The following GRIA4 variants were observed in gnomAD, a reference collection of about 807,000 sequenced individuals.
The protein encoded by GRIA4 is glutamate receptor 4.
In GRIA4, 34 loss-of-function variants were observed where a neutral mutation model predicts 104.0. That is an observed-to-expected ratio of 0.33 (90% CI 0.25 to 0.44). GRIA4 has a LOEUF of 0.44. Ranked by LOEUF, GRIA4 falls within the 20% of genes least tolerant of loss-of-function variation. GRIA4 has a pLI of 1.00. For synonymous variants in GRIA4, 386 were observed against 381.9 expected (o/e 1.01, Z -0.13); for missense variants, 750 against 1,096.5 (o/e 0.68, Z 4.46).
intron 14 of GRIA4, among the ~76,000 whole-genome samples, chr11:105,962,441 C>A (rs1453122487): frequency 2.0e-5 from 3 of 152,108 alleles, no homozygotes; most frequent in African/African-American, 7.2e-5. Flanking sequence ...CAACAAAATT[C>A]TCATTAACAA....
intron 3 of GRIA4, among the ~76,000 whole-genome samples, chr11:105,680,633 C>T (rs1847720909): frequency 6.6e-6 from 1 of 152,058 alleles, no homozygotes; most frequent in African/African-American, 2.4e-5. Flanking sequence ...TAATGGGGTC[C>T]TGGAACTTCT....
chr11:105,675,780 T>C (rs896689311), intron 3 of GRIA4, among the ~76,000 whole-genome samples: 2 of 151,778 alleles, frequency 1.3e-5, no homozygotes, highest in Admixed American at 1.3e-4. Flanking sequence ...TTTTTAAAAT[T>C]TGGGGATCAT....
At chr11:105,836,663 G>C (rs1164809357) in intron 4 of GRIA4, among the ~76,000 whole-genome samples, 4 of 152,136 alleles carry the variant, frequency 2.6e-5, no homozygotes, top group Admixed American at 1.3e-4. Flanking sequence ...GAGCTTGTAA[G>C]TCCCACAACC....
intron 5 of GRIA4, among the ~76,000 whole-genome samples, chr11:105,866,346 G>A (rs532671945): frequency 6.6e-6 from 1 of 151,740 alleles, no homozygotes; most frequent in African/African-American, 2.4e-5. Context: ...GAAAAGAAGC[G>A]TGTATTAATA....
chr11:105,795,172 A>G (rs1942429008), intron 4 of GRIA4, among the ~76,000 whole-genome samples: 1 of 152,186 alleles, frequency 6.6e-6, no homozygotes, highest in African/African-American at 2.4e-5. Flanking sequence ...TACATTTAAA[A>G]GCGTAGTTCT....
intron 14 of GRIA4, among the ~76,000 whole-genome samples, chr11:105,959,119 T>C (rs943871806): frequency 1.3e-5 from 2 of 152,186 alleles, no homozygotes; most frequent in South Asian, 2.1e-4. Flanking sequence ...GATATCTTAA[T>C]AGTGTTCTCT....
intron 14 of GRIA4, among the ~76,000 whole-genome samples, chr11:105,940,583 A>G (rs1049153316): frequency 1.1e-4 from 16 of 152,174 alleles, no homozygotes; most frequent in African/African-American, 3.6e-4. Context: ...TGGATATATA[A>G]TCTACCCTTC....
At chr11:105,909,810 TA>T (rs1306872881) in intron 9 of GRIA4, among the ~76,000 whole-genome samples, 9 of 151,926 alleles carry the variant, frequency 5.9e-5, no homozygotes, top group Admixed American at 1.3e-4. Context: ...GACTTCTAAA[TA>T]AAAAAAATTT....
intron 14 of GRIA4, among the ~76,000 whole-genome samples, chr11:105,953,573 C>T (rs1381446487): frequency 1.3e-5 from 2 of 152,012 alleles, no homozygotes; most frequent in East Asian, 1.9e-4. Context: ...CATGAAATTA[C>T]TATTTTCTTA....
At chr11:105,934,170 T>C (rs538601730) in intron 14 of GRIA4, among the ~76,000 whole-genome samples, 1 of 152,258 alleles carries the variant, frequency 6.6e-6, no homozygotes, top group Non-Finnish European at 1.5e-5. Context: ...TTGACATATA[T>C]CTTTGAAGGC....
At chr11:105,944,262 A>G (rs539216) in intron 14 of GRIA4, among the ~76,000 whole-genome samples, 152,037 of 152,242 alleles carry the variant, frequency 1, 75,916 homozygotes, top group Middle Eastern at 1. Context: ...ACAAACTGAG[A>G]TTCCAAAGTA....
Position 105,941,688 on chromosome 11 carries a change from T to C in GRIA4, c.2294+7719T>C, listed in dbSNP as rs148489661. Reference sequence around the variant, plus strand: ...GGAGTTAGCCAGAATAAGAATTCAATTGGAGTCAATCAAACAAATGTGACA... The same window carrying C: ...GGAGTTAGCCAGAATAAGAATTCAACTGGAGTCAATCAAACAAATGTGACA... On this transcript the variant is annotated intron_variant, in intron 14 of 16. Transcript: ENST00000282499. Among the ~76,000 whole-genome samples the C allele has an allele frequency of 5.1e-3, 770 of 152,246 alleles. 4 individuals carry two copies. The highest frequency in any genetic ancestry group is 0.017 in the African/African-American group (701 of 41,560).
chr11:105,889,966 C>T (rs1364413736), intron 6 of GRIA4, among the ~76,000 whole-genome samples: 1 of 152,102 alleles, frequency 6.6e-6, no homozygotes, highest in Non-Finnish European at 1.5e-5. Context: ...TAAACCAACT[C>T]ATCAAGGGTG....
chr11:105,918,363 T>C (rs1346984818), intron 10 of GRIA4, among the ~76,000 whole-genome samples: 1 of 152,176 alleles, frequency 6.6e-6, no homozygotes, highest in Non-Finnish European at 1.5e-5. Flanking sequence ...TTTAATTTCA[T>C]GAAATATTTT....
chr11:105,939,994 C>T (rs1307042517), intron 14 of GRIA4, among the ~76,000 whole-genome samples: 1 of 152,066 alleles, frequency 6.6e-6, no homozygotes, highest in African/African-American at 2.4e-5. Context: ...AAAATCACAC[C>T]GCAGTGGATT....
At chr11:105,814,878 T>C (rs1456789854) in intron 4 of GRIA4, among the ~76,000 whole-genome samples, 1 of 152,022 alleles carries the variant, frequency 6.6e-6, no homozygotes, top group Non-Finnish European at 1.5e-5. Context: ...GATCTTATTT[T>C]CCTATAACCA....
chr11:105,675,597 T>C (rs189853009), intron 3 of GRIA4, among the ~76,000 whole-genome samples: 82 of 151,844 alleles, frequency 5.4e-4, no homozygotes, highest in African/African-American at 2.0e-3. Context: ...CCTATTTTCT[T>C]AAGAACAAGA....
intron 4 of GRIA4, 100 bp downstream of exon 4, chr11:105,753,320 A>G: frequency 9.9e-7 from 1 of 1,005,982 alleles, no homozygotes; most frequent in Non-Finnish European, 1.5e-6. Flanking sequence ...GATCTCTAAC[A>G]TCACTAAAAT....
intron 5 of GRIA4, among the ~76,000 whole-genome samples, chr11:105,879,136 T>C (rs1462569352): frequency 6.6e-6 from 1 of 152,108 alleles, no homozygotes; most frequent in Non-Finnish European, 1.5e-5. Context: ...TTCCCTTGTC[T>C]AAGGGAGGGA....
Sources: allele counts gnomAD v4.1 joint callset (sites outside exome capture counted in the v4.1 genomes callset), GRCh38; gene constraint gnomAD v4.1.1; transcripts MANE v1.5; gene names NCBI Gene and HGNC (gene_info 2026-07-23, HGNC 2026-07-21).